KCNB2: variants seen among roughly 807,000 people sequenced by gnomAD.
KCNB2 encodes potassium voltage-gated channel subfamily B member 2.
KCNB2 carries 15 observed loss-of-function variants against 61.5 expected under a neutral mutation model. That is an observed-to-expected ratio of 0.24 (90% CI 0.16 to 0.38). The LOEUF (loss-of-function observed/expected upper bound fraction) is 0.38. Among genes scored for constraint, KCNB2 ranks in the 10% least tolerant of loss-of-function variants. The pLI, the probability that KCNB2 is intolerant of heterozygous loss-of-function variation, is 1.00. For missense variants in KCNB2, 828 were observed against 1,125.2 expected (o/e 0.74, Z 3.78); for synonymous variants, 457 against 446.0 (o/e 1.02, Z -0.31).
intron 2 of KCNB2, among the ~76,000 whole-genome samples, chr8:72,904,256 C>T (rs1048647863): frequency 3.9e-5 from 6 of 152,068 alleles, no homozygotes; most frequent in East Asian, 1.9e-4. Context: ...GTGTATAGAT[C>T]GTTTTAGACT....
chr8:72,831,403 G>A (rs1043411947), intron 2 of KCNB2, among the ~76,000 whole-genome samples: 15 of 152,282 alleles, frequency 9.9e-5, no homozygotes, highest in African/African-American at 3.4e-4. Context: ...CAACAAACCA[G>A]ATATGGGTTA....
chr8:72,634,445 G>A (rs1805934077), intron 2 of KCNB2, among the ~76,000 whole-genome samples: 1 of 152,166 alleles, frequency 6.6e-6, no homozygotes, highest in Admixed American at 6.5e-5. Context: ...CGCAACCTCT[G>A]TGAGTCTGTG....
rs981419974 is a variant in KCNB2 at position 72,773,273 on chromosome 8, A to T, written c.580-162662A>T. Reference sequence around the variant, plus strand: ...TGAAAACTCACCCAGCCTGCTTTGTATTGCCCAGGTCTGCCAACTACTCAT... The same window carrying T: ...TGAAAACTCACCCAGCCTGCTTTGTTTTGCCCAGGTCTGCCAACTACTCAT... On this transcript the variant is annotated intron_variant, in intron 2 of 2. Coordinates refer to ENST00000523207, the MANE Select transcript of KCNB2 (RefSeq NM_004770.3). 2.0e-5 allele frequency among the ~76,000 whole-genome samples: 3 copies of T among 152,250 alleles called. No individual in the cohort carries two copies. In the South Asian group the frequency reaches 6.2e-4, roughly 32 times the overall value.
chr8:72,839,345 T>G (rs1002502003), intron 2 of KCNB2, among the ~76,000 whole-genome samples: 3 of 152,180 alleles, frequency 2.0e-5, no homozygotes, highest in Non-Finnish European at 2.9e-5. Flanking sequence ...CAGATTCAAC[T>G]TCCATTCAGC....
At position 72,637,832 on chromosome 8, in the gene KCNB2, G is replaced by T. The variant is rs144174101; in HGVS notation, c.579+69519G>T. On this transcript the variant is annotated intron_variant, in intron 2 of 2. Transcript: ENST00000523207. Reference sequence around the variant, plus strand: ...CAGGAGAATATGTGACACAGAGTAGGTGCTGAGAAGCCTACTGGAAGACCA... The same window carrying T: ...CAGGAGAATATGTGACACAGAGTAGTTGCTGAGAAGCCTACTGGAAGACCA... Among the ~76,000 whole-genome samples the T allele has an allele frequency of 9.2e-5, 14 of 152,238 alleles. No individual in the cohort carries two copies. The East Asian group carries it at 2.5e-3, about 27-fold the overall frequency.
chr8:72,882,556 A>AGAGAGAGAGAGAGAGAGAGAGAG (rs10691208), intron 2 of KCNB2, among the ~76,000 whole-genome samples: 56 of 142,774 alleles, frequency 3.9e-4, no homozygotes, highest in Non-Finnish European at 5.7e-4. Context: ...AGAGAGAGAG[A>AGAGAGAGAGAGAGAGAGAGAGAG]ATGTGTGTCT....
In KCNB2 at chr8:72,735,868, G is replaced by T. The variant is rs1807835332; in HGVS notation, c.579+167555G>T. Among the ~76,000 whole-genome samples, 3 of 152,126 alleles carry T rather than the reference G, an allele frequency of 2.0e-5. No homozygotes were observed. In the South Asian group the frequency reaches 6.2e-4, roughly 32 times the overall value. ...GTTGTTAAGATGTATCGCAGAAACTGGGCAGAGTGGGCCAAATTTCATCTT... is the reference window on the plus strand; with the variant it reads ...GTTGTTAAGATGTATCGCAGAAACTTGGCAGAGTGGGCCAAATTTCATCTT... On this transcript the variant is annotated intron_variant, in intron 2 of 2. Coordinates refer to ENST00000523207, the MANE Select transcript of KCNB2 (RefSeq NM_004770.3).
chr8:72,604,448 T>C (rs1166353042), intron 2 of KCNB2, among the ~76,000 whole-genome samples: 1 of 152,222 alleles, frequency 6.6e-6, no homozygotes, highest in African/African-American at 2.4e-5. Flanking sequence ...AGAGCCACCA[T>C]GTGATTTTGG....
intron 2 of KCNB2, among the ~76,000 whole-genome samples, chr8:72,899,288 A>T (rs1806043931): frequency 6.6e-6 from 1 of 152,150 alleles, no homozygotes; most frequent in East Asian, 1.9e-4. Flanking sequence ...CCAACATCAC[A>T]CTGAATGAGC....
chr8:72,605,505 C>T (rs1230071943), intron 2 of KCNB2, among the ~76,000 whole-genome samples: 1 of 152,050 alleles, frequency 6.6e-6, no homozygotes, highest in Non-Finnish European at 1.5e-5. Context: ...TCATGAGAAC[C>T]ATGTGCTTAA....
At chr8:72,688,252 G>A (rs1298010660) in intron 2 of KCNB2, among the ~76,000 whole-genome samples, 1 of 152,104 alleles carries the variant, frequency 6.6e-6, no homozygotes, top group South Asian at 2.1e-4. Context: ...AAATCCGAGA[G>A]CCCTTTTGAG....
intron 2 of KCNB2, among the ~76,000 whole-genome samples, chr8:72,756,687 A>G (rs1808295316): frequency 6.6e-6 from 1 of 152,118 alleles, no homozygotes; most frequent in Non-Finnish European, 1.5e-5. Flanking sequence ...ATAGCCTCTG[A>G]CCCTTCTTAC....
chr8:72,563,567 A>T (rs566402358), intron 1 of KCNB2, among the ~76,000 whole-genome samples: 2 of 152,294 alleles, frequency 1.3e-5, no homozygotes, highest in South Asian at 4.1e-4. Context: ...GGATAGAAAG[A>T]TCTAGGGATC....
At chr8:72,808,033 T>C (rs1722110868) in intron 2 of KCNB2, among the ~76,000 whole-genome samples, 1 of 152,198 alleles carries the variant, frequency 6.6e-6, no homozygotes, top group Admixed American at 6.5e-5. Flanking sequence ...CCGATGCTAA[T>C]CTTGCCAACA....
chr8:72,806,355 G>GAAAAAAAA (rs113106261), intron 2 of KCNB2, among the ~76,000 whole-genome samples: 1 of 97,410 alleles, frequency 1.0e-5, no homozygotes, highest in Non-Finnish European at 2.2e-5. Flanking sequence ...GAGACTCTAA[G>GAAAAAAAA]AAAAAAAAAA....
chr8:72,718,961 G>T (rs991533806), intron 2 of KCNB2, among the ~76,000 whole-genome samples: 2 of 152,096 alleles, frequency 1.3e-5, no homozygotes, highest in Non-Finnish European at 2.9e-5. Flanking sequence ...CCTTTTGGTA[G>T]ATCTGAATAC....
intron 2 of KCNB2, among the ~76,000 whole-genome samples, chr8:72,894,837 C>G (rs1805963773): frequency 6.6e-6 from 1 of 152,134 alleles, no homozygotes; most frequent in South Asian, 2.1e-4. Context: ...TTTAGACCAT[C>G]TGGACATTCA....
At chr8:72,636,120 A>C (rs1416306386) in intron 2 of KCNB2, among the ~76,000 whole-genome samples, 1 of 152,186 alleles carries the variant, frequency 6.6e-6, no homozygotes. Flanking sequence ...CAGCAGGGAA[A>C]TCAGAAGACA....
chr8:72,559,149 T>C (rs1221904632), intron 1 of KCNB2, among the ~76,000 whole-genome samples: 1 of 151,686 alleles, frequency 6.6e-6, no homozygotes, highest in Non-Finnish European at 1.5e-5. Flanking sequence ...TTTTATTTTA[T>C]TATTTATTTT....
Sources: allele counts gnomAD v4.1 joint callset (sites outside exome capture counted in the v4.1 genomes callset), GRCh38; gene constraint gnomAD v4.1.1; transcripts MANE v1.5; gene names NCBI Gene and HGNC (gene_info 2026-07-23, HGNC 2026-07-21).